CWF19L2: variants seen among roughly 807,000 people sequenced by gnomAD.
The protein encoded by CWF19L2 is CWF19 like cell cycle control factor 2, also known as CWF19-like protein 2.
Under a neutral mutation model 111.7 loss-of-function variants are expected in CWF19L2, and 98 were observed. The ratio of observed to expected loss-of-function variants is 0.88; its 90% CI spans 0.75 to 1.04. CWF19L2 has a LOEUF of 1.04. Among genes scored for constraint, CWF19L2 ranks in the 50% least tolerant of loss-of-function variants. CWF19L2 has a pLI of 0.00. For synonymous variants in CWF19L2, 351 were observed against 342.9 expected (o/e 1.02, Z -0.26); for missense variants, 1,101 against 1,051.4 (o/e 1.05, Z -0.65).
chr11:107,374,812 AGACACAGACTG>A (rs1329480677), intron 12 of CWF19L2, among the ~76,000 whole-genome samples: 1 of 151,558 alleles, frequency 6.6e-6, no homozygotes, highest in Non-Finnish European at 1.5e-5. Flanking sequence ...TCCAATTAAA[AGACACAGACTG>A]GCAAATTGGA....
intron 12 of CWF19L2, among the ~76,000 whole-genome samples, chr11:107,373,030 A>G (rs7106697): frequency 0.047 from 1,435 of 30,476 alleles, 160 homozygotes; most frequent in Middle Eastern, 0.12. Context: ...TGGAAAATCG[A>G]GTCACTCCCA....
At chr11:107,336,001 C>T (rs1377237987) in intron 15 of CWF19L2, among the ~76,000 whole-genome samples, 1 of 152,084 alleles carries the variant, frequency 6.6e-6, no homozygotes, top group Non-Finnish European at 1.5e-5. Context: ...GCGGGCAGAT[C>T]ACGAGGTCAA....
chr11:107,354,552 T>A (rs1860207591), intron 12 of CWF19L2, among the ~76,000 whole-genome samples: 1 of 152,200 alleles, frequency 6.6e-6, no homozygotes, highest in African/African-American at 2.4e-5. Context: ...ATATATATAG[T>A]ATCATGGGGA....
At chr11:107,383,896 A>T (rs1352276735) in intron 12 of CWF19L2, among the ~76,000 whole-genome samples, 1 of 152,228 alleles carries the variant, frequency 6.6e-6, no homozygotes, top group Admixed American at 6.5e-5. Context: ...TGGGTCACCC[A>T]GGTGTTACTT....
intron 3 of CWF19L2, among the ~76,000 whole-genome samples, chr11:107,450,863 C>T (rs1238845075): frequency 6.6e-6 from 1 of 152,056 alleles, no homozygotes; most frequent in Non-Finnish European, 1.5e-5. Context: ...AAGGCAAAAA[C>T]TGACAAAACT....
rs181063744 is a variant in CWF19L2, at chr11:107,351,109, G to A, written c.2086-2056C>T. On this transcript the variant is annotated intron_variant, in intron 13 of 17. Transcript: ENST00000282251. ...CAAAAAGATCACTTGCTACTGTATAGAGAAAGGGCAAAGGAAAGAGGCAGA... is the reference window on the plus strand; with the variant it reads ...CAAAAAGATCACTTGCTACTGTATAAAGAAAGGGCAAAGGAAAGAGGCAGA... Among the ~76,000 whole-genome samples the A allele has an allele frequency of 3.7e-5, 4 of 108,874 alleles. No individual in the cohort carries two copies. The East Asian group carries it at 7.8e-4, about 21-fold the overall frequency. The allele number at this position is 108,874 out of a possible 152,430, so 71.4% of individuals were successfully genotyped here.
intron 12 of CWF19L2, among the ~76,000 whole-genome samples, chr11:107,368,119 C>CT (rs1265704696): frequency 2.0e-5 from 1 of 48,998 alleles, no homozygotes; most frequent in Non-Finnish European, 3.9e-5. Context: ...AATTGAGACC[C>CT]CCCCCCACAC....
At chr11:107,424,212 A>G (rs1330452684) in intron 8 of CWF19L2, among the ~76,000 whole-genome samples, 1 of 150,950 alleles carries the variant, frequency 6.6e-6, no homozygotes, top group African/African-American at 2.4e-5. Context: ...CTCCACCCAA[A>G]GCTAATCCTT....
intron 12 of CWF19L2, among the ~76,000 whole-genome samples, chr11:107,356,698 A>C (rs1437997720): frequency 1.3e-5 from 2 of 152,198 alleles, no homozygotes; most frequent in African/African-American, 4.8e-5. Context: ...TTCTAATCCA[A>C]ATATTTCTGC....
At chr11:107,405,234 C>T (rs1388229379) in intron 10 of CWF19L2, among the ~76,000 whole-genome samples, 1 of 152,180 alleles carries the variant, frequency 6.6e-6, no homozygotes, top group Non-Finnish European at 1.5e-5. Context: ...TTATCTATGG[C>T]TGCCTTCATG....
intron 2 of CWF19L2, among the ~76,000 whole-genome samples, chr11:107,455,132 T>A (rs1861835233): frequency 6.6e-6 from 1 of 152,116 alleles, no homozygotes; most frequent in South Asian, 2.1e-4. Context: ...AATAAGGTAT[T>A]ATCTATTTCA....
chr11:107,340,457 C>T (rs1859989827), intron 14 of CWF19L2, among the ~76,000 whole-genome samples: 1 of 152,174 alleles, frequency 6.6e-6, no homozygotes, highest in African/African-American at 2.4e-5. Flanking sequence ...GCACCTTTGT[C>T]AAATTCAGTT....
chr11:107,432,147 A>G (rs142733184), intron 7 of CWF19L2, among the ~76,000 whole-genome samples: 3 of 152,314 alleles, frequency 2.0e-5, no homozygotes, highest in Admixed American at 2.0e-4. Flanking sequence ...TCAACGAAGT[A>G]AAAAACATCA....
At position 107,336,715 on chromosome 11, in the gene CWF19L2, TAAAA is replaced by T; in HGVS notation, c.2203-6_2203-3del. On this transcript the variant is annotated splice_polypyrimidine_tract_variant and splice_region_variant and intron_variant, in intron 14 of 17. Coordinates refer to ENST00000282251, the MANE Select transcript of CWF19L2 (RefSeq NM_152434.3). ...CTTTACCAATGATTTTCTGAACATC[TAAAA>T]AAAAAAAAGAACTAGGTAAAGAAAA... The T allele has an allele frequency of 8.5e-7, 1 of 1,174,722 alleles. No individual in the cohort carries two copies. 72.8% of individuals were successfully genotyped at this position (1,174,722 alleles called of 1,614,324 possible).
chr11:107,369,867 A>G (rs1860483497), intron 12 of CWF19L2, among the ~76,000 whole-genome samples: 2 of 138,580 alleles, frequency 1.4e-5, no homozygotes, highest in East Asian at 4.2e-4. Flanking sequence ...ATGAAATATA[A>G]TATTACCTAG....
chr11:107,352,084 C>A (rs1274808218), intron 13 of CWF19L2, among the ~76,000 whole-genome samples: 1 of 152,124 alleles, frequency 6.6e-6, no homozygotes, highest in Non-Finnish European at 1.5e-5. Context: ...GGGTAGTACC[C>A]ACTTAAGACA....
Position 107,441,519 on chromosome 11 carries a change from T to A in CWF19L2, c.554A>T (p.Asn185Ile). 2 of 1,541,264 alleles carry A rather than the reference T, an allele frequency of 1.3e-6. No homozygotes were observed. The highest frequency in any genetic ancestry group is 1.7e-6 in the Non-Finnish European group (2 of 1,143,738). The change falls in exon 5 of 18, where the codon AAC (asparagine) becomes ATC (isoleucine). Residue 185 changes from asparagine to isoleucine, a missense_variant. Asn to Ile is a moderately radical substitution (Grantham distance 149). Transcript: ENST00000282251. Reference protein sequence around the residue: ...ETMRKIEQEKNQALEQSKLME... With the variant: ...ETMRKIEQEKIQALEQSKLME... ...TTCTCTTACCTGTTCAAGCGCTTGGTTTTTCTCTTGCTCTATTTTCCTCAT... is the reference window on the plus strand; with the variant it reads ...TTCTCTTACCTGTTCAAGCGCTTGGATTTTCTCTTGCTCTATTTTCCTCAT...
rs1389859233 is a variant in CWF19L2, at chr11:107,454,474, GT to G, written c.314del (p.Asn105ThrfsTer32). The G allele has an allele frequency of 4.8e-6, 7 of 1,443,936 alleles. No homozygotes were observed. Among genetic ancestry groups the G allele is most frequent in the African/African-American group, 4.4e-5 (3 of 67,778 alleles). 89.4% of individuals were successfully genotyped at this position (1,443,936 alleles called of 1,614,324 possible). ...KKSKKQKYEK[N>X]NESSDSSSSS... The stretch of plus-strand genomic sequence containing the variant: ...CTGATGAGCTATCAGATGACTCATT[GT>G]TTTTTTCATATTTCTGTTTCTTGCT... On this transcript the variant is annotated frameshift_variant, in exon 3 of 18. Transcript: ENST00000282251. LOFTEE classifies it high-confidence loss of function.
At chr11:107,402,194 C>T (rs1861010863) in intron 10 of CWF19L2, among the ~76,000 whole-genome samples, 1 of 151,940 alleles carries the variant, frequency 6.6e-6, no homozygotes, top group Non-Finnish European at 1.5e-5. Context: ...TGACCAAGAA[C>T]CCAAAAGTAA....
Sources: allele counts gnomAD v4.1 joint callset (sites outside exome capture counted in the v4.1 genomes callset), GRCh38; gene constraint gnomAD v4.1.1; transcripts MANE v1.5; gene names NCBI Gene and HGNC (gene_info 2026-07-23, HGNC 2026-07-21).